Variants in TANK observed in about 807,000 individuals in gnomAD.
The protein encoded by TANK is TRAF family member associated NFKB activator, also known as TRAF family member-associated NF-kappa-B activator.
In TANK, 15 loss-of-function variants were observed where a neutral mutation model predicts 43.6. The observed-to-expected ratio is 0.34, with a 90% CI of 0.23 to 0.53. The LOEUF is 0.53. Among genes scored for constraint, TANK ranks in the 20% least tolerant of loss-of-function variants. The pLI is 0.94. For synonymous variants in TANK, 162 were observed against 178.2 expected (o/e 0.91, Z 0.73); for missense variants, 417 against 498.6 (o/e 0.84, Z 1.56).
At chr2:161,178,487 T>C (rs1269744728) in intron 1 of TANK, among the ~76,000 whole-genome samples, 2 of 151,758 alleles carry the variant, frequency 1.3e-5, no homozygotes, top group Non-Finnish European at 2.9e-5. Flanking sequence ...AGATTAATGC[T>C]TACCAGGAGA....
intron 1 of TANK, among the ~76,000 whole-genome samples, chr2:161,168,669 C>T (rs1684805174): frequency 6.6e-6 from 1 of 152,156 alleles, no homozygotes; most frequent in Non-Finnish European, 1.5e-5. Flanking sequence ...CCCGTCTCTA[C>T]TAAAAATACA....
At chr2:161,163,236 A>C (rs147721660) in intron 1 of TANK, 2 of 152,200 alleles carry the variant, frequency 1.3e-5, no homozygotes, top group African/African-American at 2.4e-5. Flanking sequence ...GAATTCACTC[A>C]TGAAACCATG....
At chr2:161,200,061 G>A (rs1686334234) in intron 2 of TANK, among the ~76,000 whole-genome samples, 2 of 152,174 alleles carry the variant, frequency 1.3e-5, no homozygotes, top group South Asian at 4.1e-4. Flanking sequence ...ACAGATGGAT[G>A]GTTAGTTGTC....
Position 161,224,629 on chromosome 2 carries a change from A to T in TANK, c.405-2A>T, listed in dbSNP as rs755139553. ...TTTTAAAATGTTGATTTTTTTTTTT[A>T]GGGGTAATATAGAGAAGACTTTCTG... On this transcript the variant is annotated splice_acceptor_variant, in intron 5 of 7. Transcript: ENST00000392749. LOFTEE classifies it high-confidence loss of function. The T allele has an allele frequency of 4.4e-6, 6 of 1,349,318 alleles. No individual in the cohort carries two copies. Among genetic ancestry groups the T allele is most frequent in the South Asian group, 1.6e-5 (1 of 64,324 alleles). The allele number at this position is 1,349,318 out of a possible 1,614,324, so 83.6% of individuals were successfully genotyped here. A position where few individuals can be genotyped will look rare whatever the true frequency, so the allele number is the denominator to read the frequency against.
chr2:161,212,850 A>C, intron 4 of TANK: 18 of 789,642 alleles, frequency 2.3e-5, no homozygotes, highest in South Asian at 5.8e-5. Flanking sequence ...TATTGCTGTA[A>C]AGGAATACCT....
chr2:161,142,396 C>T (rs1467993649), intron 1 of TANK, among the ~76,000 whole-genome samples: 1 of 152,090 alleles, frequency 6.6e-6, no homozygotes, highest in African/African-American at 2.4e-5. Context: ...AATCTTTGCC[C>T]ATGCCTATGT....
At chr2:161,214,810 T>C (rs957208926) in intron 4 of TANK, among the ~76,000 whole-genome samples, 1 of 152,250 alleles carries the variant, frequency 6.6e-6, no homozygotes, top group Admixed American at 6.5e-5. Context: ...AAAAGGACTT[T>C]ATTATTTACA....
At chr2:161,217,187 G>T (rs1344429408) in intron 4 of TANK, among the ~76,000 whole-genome samples, 3 of 152,188 alleles carry the variant, frequency 2.0e-5, no homozygotes, top group African/African-American at 7.2e-5. Flanking sequence ...CTCAGGGTAA[G>T]TGTCACTCCT....
intron 7 of TANK, among the ~76,000 whole-genome samples, chr2:161,234,613 T>C (rs1196869767): frequency 6.6e-6 from 1 of 152,210 alleles, no homozygotes; most frequent in Non-Finnish European, 1.5e-5. Flanking sequence ...CTTTCCATAA[T>C]TCTTTAACCA....
chr2:161,176,062 G>T (rs778565454), intron 1 of TANK, among the ~76,000 whole-genome samples: 18 of 152,098 alleles, frequency 1.2e-4, no homozygotes, highest in Non-Finnish European at 2.4e-4. Context: ...CAGCCTCTTG[G>T]GTTTGGAGAA....
intron 1 of TANK, among the ~76,000 whole-genome samples, chr2:161,173,221 C>A (rs1685030041): frequency 6.6e-6 from 1 of 152,118 alleles, no homozygotes; most frequent in Non-Finnish European, 1.5e-5. Flanking sequence ...TACATGCTGA[C>A]CCTGACCATA....
intron 1 of TANK, among the ~76,000 whole-genome samples, chr2:161,152,581 A>C (rs937228403): frequency 6.6e-6 from 1 of 152,158 alleles, no homozygotes; most frequent in African/African-American, 2.4e-5. Context: ...CTTTGTCCTC[A>C]GTTCAAAAAT....
intron 1 of TANK, chr2:161,161,241 A>G: frequency 6.5e-7 from 1 of 1,546,790 alleles, no homozygotes; most frequent in Non-Finnish European, 8.7e-7. Flanking sequence ...GAGCAAAAGT[A>G]AAGCAGCCTT....
At chr2:161,212,587 A>G (rs1558999303) in intron 4 of TANK, 11 of 985,104 alleles carry the variant, frequency 1.1e-5, no homozygotes, top group African/African-American at 1.7e-5. Flanking sequence ...AAGAAGTGAT[A>G]TGTCACCTTC....
chr2:161,210,992 A>T (rs1207494874), intron 4 of TANK, among the ~76,000 whole-genome samples: 1 of 152,208 alleles, frequency 6.6e-6, no homozygotes, highest in Non-Finnish European at 1.5e-5. Flanking sequence ...ATGTATGTAA[A>T]CTGAAAGCTA....
intron 7 of TANK, among the ~76,000 whole-genome samples, chr2:161,233,349 A>G (rs1234395600): frequency 6.6e-6 from 1 of 152,104 alleles, no homozygotes; most frequent in Non-Finnish European, 1.5e-5. Flanking sequence ...GTGAGCTGTG[A>G]TGGTGCCATC....
intron 2 of TANK, among the ~76,000 whole-genome samples, chr2:161,191,082 T>C (rs922127432): frequency 6.6e-6 from 1 of 151,996 alleles, no homozygotes; most frequent in African/African-American, 2.4e-5. Context: ...ACATCAGTTC[T>C]TCTCTCAGTG....
intron 4 of TANK, among the ~76,000 whole-genome samples, chr2:161,206,463 T>C (rs1224781387): frequency 6.6e-6 from 1 of 152,188 alleles, no homozygotes; most frequent in Non-Finnish European, 1.5e-5. Context: ...ATTGCATAAC[T>C]AAGACTATCT....
At chr2:161,221,798 G>A (rs1687357853) in intron 4 of TANK, among the ~76,000 whole-genome samples, 2 of 151,788 alleles carry the variant, frequency 1.3e-5, no homozygotes, top group Admixed American at 1.3e-4. Context: ...AAGGTGCAGT[G>A]TATTGCCTAG....
Sources: allele counts gnomAD v4.1 joint callset (sites outside exome capture counted in the v4.1 genomes callset), GRCh38; gene constraint gnomAD v4.1.1; transcripts MANE v1.5; gene names NCBI Gene and HGNC (gene_info 2026-07-23, HGNC 2026-07-21).